Variants in CDK14 observed in about 807,000 individuals in gnomAD.
The protein encoded by CDK14 is cyclin dependent kinase 14, also known as cyclin-dependent kinase 14.
A neutral mutation model predicts 60.7 loss-of-function variants in CDK14; 34 were observed. The ratio of observed to expected loss-of-function variants is 0.56; its 90% CI spans 0.43 to 0.75. The LOEUF is 0.75. Ranked by LOEUF, CDK14 falls within the 30% of genes least tolerant of loss-of-function variation. The pLI, the probability that CDK14 is intolerant of heterozygous loss-of-function variation, is 0.00. For missense variants in CDK14, 482 were observed against 564.1 expected (o/e 0.85, Z 1.47); for synonymous variants, 197 against 203.7 (o/e 0.97, Z 0.28).
intron 12 of CDK14, among the ~76,000 whole-genome samples, chr7:91,087,394 G>C (rs1026088032): frequency 6.6e-6 from 1 of 152,070 alleles, no homozygotes; most frequent in African/African-American, 2.4e-5. Flanking sequence ...GCTAATTATT[G>C]ACACAAATAG....
intron 5 of CDK14, among the ~76,000 whole-genome samples, chr7:90,792,825 T>C (rs1805887295): frequency 1.5e-5 from 2 of 136,886 alleles, no homozygotes; most frequent in Admixed American, 7.8e-5. Context: ...TTAAAATTGC[T>C]TCAAGTCCTA....
At chr7:91,145,726 C>G (rs1398742008) in intron 14 of CDK14, among the ~76,000 whole-genome samples, 1 of 152,136 alleles carries the variant, frequency 6.6e-6, no homozygotes, top group African/African-American at 2.4e-5. Flanking sequence ...GAATAGGCAA[C>G]AAGAAGCTGC....
At chr7:90,699,388 C>T (rs1259975882) in intron 2 of CDK14, among the ~76,000 whole-genome samples, 1 of 152,192 alleles carries the variant, frequency 6.6e-6, no homozygotes, top group Non-Finnish European at 1.5e-5. Flanking sequence ...TTACTGAACA[C>T]TATTCTAAGT....
chr7:91,191,267 C>T (rs1317555889), intron 14 of CDK14, among the ~76,000 whole-genome samples: 1 of 152,062 alleles, frequency 6.6e-6, no homozygotes, highest in Non-Finnish European at 1.5e-5. Flanking sequence ...GCTTCATACA[C>T]CACTGAAACA....
chr7:90,793,957 G>A (rs1805938504), intron 5 of CDK14, among the ~76,000 whole-genome samples: 1 of 152,052 alleles, frequency 6.6e-6, no homozygotes, highest in East Asian at 1.9e-4. Context: ...TCTATCGGGG[G>A]AAACCAGCCC....
intron 14 of CDK14, among the ~76,000 whole-genome samples, chr7:91,173,609 C>T (rs1435998561): frequency 3.9e-5 from 6 of 152,118 alleles, no homozygotes; most frequent in Admixed American, 1.3e-4. Flanking sequence ...GCACCGTGCG[C>T]GAGCCGAAGC....
chr7:90,777,610 G>A (rs1382626744), intron 4 of CDK14, among the ~76,000 whole-genome samples: 1 of 152,236 alleles, frequency 6.6e-6, no homozygotes, highest in African/African-American at 2.4e-5. Flanking sequence ...ATGTAGCCAA[G>A]GTTGAGGACC....
chr7:90,687,143 T>C lies in CDK14; in HGVS notation c.124-39424T>C, dbSNP rs530992633. On this transcript the variant is annotated intron_variant, in intron 2 of 14. Transcript: ENST00000380050. Reference sequence around the variant, plus strand: ...CACATCAGAACAGAGGGGTAATTTATTCAAAAAAAGATCTCCCTATTTTCT... The same window carrying C: ...CACATCAGAACAGAGGGGTAATTTACTCAAAAAAAGATCTCCCTATTTTCT... 3.3e-5 allele frequency among the ~76,000 whole-genome samples: 5 copies of C among 152,158 alleles called. No individual in the cohort carries two copies. The South Asian group carries it at 1.0e-3, about 32-fold the overall frequency.
At chr7:90,750,822 G>A (rs1803809924) in intron 4 of CDK14, among the ~76,000 whole-genome samples, 1 of 151,694 alleles carries the variant, frequency 6.6e-6, no homozygotes, top group Admixed American at 6.6e-5. Flanking sequence ...GCAGTGAGCT[G>A]AGATCACACC....
intron 4 of CDK14, among the ~76,000 whole-genome samples, chr7:90,753,667 G>A (rs1209007290): frequency 6.6e-6 from 1 of 152,060 alleles, no homozygotes; most frequent in African/African-American, 2.4e-5. Flanking sequence ...GAAATAAAAG[G>A]CATCCAAATA....
chr7:90,720,567 A>G (rs1034832986), intron 2 of CDK14, among the ~76,000 whole-genome samples: 3 of 152,212 alleles, frequency 2.0e-5, no homozygotes, highest in Non-Finnish European at 2.9e-5. Flanking sequence ...TTAATGTCAT[A>G]TACTAATTTA....
chr7:91,201,611 T>G (rs1802729651), intron 14 of CDK14, among the ~76,000 whole-genome samples: 1 of 151,930 alleles, frequency 6.6e-6, no homozygotes, highest in South Asian at 2.1e-4. Context: ...ACAGACCACC[T>G]GATCACATCG....
In CDK14 at chr7:90,943,412, G is replaced by A. The variant is rs903782678; in HGVS notation, c.827-12285G>A. ...CTGTCTGCCAAGTGAGCTGAATAGA[G>A]ATTGAGATGTAATATAAAAGTTTAG... On this transcript the variant is annotated intron_variant, in intron 8 of 14. Transcript: ENST00000380050. 6.6e-4 allele frequency among the ~76,000 whole-genome samples: 100 copies of A among 152,112 alleles called. 1 individual carries two copies. Among genetic ancestry groups the A allele is most frequent in the African/African-American group, 2.4e-3 (98 of 41,420 alleles).
intron 4 of CDK14, among the ~76,000 whole-genome samples, chr7:90,768,933 G>T (rs574354451): frequency 4.5e-4 from 69 of 152,182 alleles, no homozygotes; most frequent in African/African-American, 1.5e-3. Flanking sequence ...GTCGATTTTT[G>T]ATAGTAATTT....
chr7:90,972,708 A>G (rs1794964966), intron 9 of CDK14, among the ~76,000 whole-genome samples: 1 of 152,216 alleles, frequency 6.6e-6, no homozygotes, highest in Non-Finnish European at 1.5e-5. Flanking sequence ...CATTTAATCT[A>G]ACTTATTTCA....
At chr7:91,020,997 C>A (rs1201255406) in intron 10 of CDK14, among the ~76,000 whole-genome samples, 1 of 152,184 alleles carries the variant, frequency 6.6e-6, no homozygotes, top group Non-Finnish European at 1.5e-5. Context: ...TTCTCAGCTC[C>A]TGGAAGTGCC....
Position 91,186,219 on chromosome 7 carries a change from TCCCC to T in CDK14, c.*29-20945_*29-20942del, listed in dbSNP as rs1802183848. Reference sequence around the variant, plus strand: ...TCCCCTCCCCTCTCCTCTCCTCCCCTCCCCTCTCCTCTCCTCCCCTCCCCTCTCC... The same window carrying T: ...TCCCCTCCCCTCTCCTCTCCTCCCCTTCTCCTCTCCTCCCCTCCCCTCTCC... On this transcript the variant is annotated intron_variant, in intron 14 of 14. Transcript: ENST00000380050. 4.6e-4 allele frequency among the ~76,000 whole-genome samples: 3 copies of T among 6,512 alleles called. 1 individual carries two copies. The highest frequency in any genetic ancestry group is 1.0e-3 in the Non-Finnish European group (3 of 2,952). 4.3% of individuals were successfully genotyped at this position (6,512 alleles called of 152,430 possible). A position where few individuals can be genotyped will look rare whatever the true frequency, so the allele number is the denominator to read the frequency against.
intron 3 of CDK14, among the ~76,000 whole-genome samples, chr7:90,733,656 G>A (rs1041367525): frequency 6.3e-4 from 96 of 152,192 alleles, no homozygotes; most frequent in African/African-American, 2.2e-3. Flanking sequence ...CTTTCCGTTT[G>A]GTTGGTAAAT....
At chr7:90,868,095 A>G (rs1791244379) in intron 6 of CDK14, among the ~76,000 whole-genome samples, 2 of 152,042 alleles carry the variant, frequency 1.3e-5, no homozygotes, top group Admixed American at 1.3e-4. Flanking sequence ...GTACCACTAG[A>G]CTGGACTCTG....
Sources: gnomAD v4.1 joint callset for allele counts (sites outside exome capture counted in the v4.1 genomes callset) on GRCh38, gnomAD v4.1.1 for gene constraint, MANE v1.5 for transcripts, NCBI Gene and HGNC (gene_info 2026-07-23, HGNC 2026-07-21) for gene names.